Variants in ZNF536 observed in about 807,000 individuals in gnomAD.
ZNF536 encodes zinc finger protein 536.
In ZNF536, 13 loss-of-function variants were observed where a neutral mutation model predicts 84.5. The ratio of observed to expected loss-of-function variants is 0.15; its 90% CI spans 0.10 to 0.24. The LOEUF (loss-of-function observed/expected upper bound fraction) is 0.24, where lower values mean the gene tolerates loss of function less well. Ranked by LOEUF, ZNF536 falls within the 10% of genes least tolerant of loss-of-function variation. The pLI, the probability that ZNF536 is intolerant of heterozygous loss-of-function variation, is 1.00. For synonymous variants in ZNF536, 811 were observed against 742.5 expected, an observed-to-expected ratio of 1.09 and a Z score of -1.50; for missense variants, 1,536 against 1,747.5, an observed-to-expected ratio of 0.88 and a Z score of 2.16.
upstream of ZNF536, among the ~76,000 whole-genome samples, chr19:30,370,433 T>C (rs995965764): frequency 2.0e-5 from 3 of 152,202 alleles, no homozygotes; most frequent in African/African-American, 7.2e-5. Flanking sequence ...CATTTTGAAC[T>C]TGAGCCAACA....
intron 1 of ZNF536, among the ~76,000 whole-genome samples, chr19:30,600,322 G>A (rs1005744537): frequency 1.3e-5 from 2 of 152,076 alleles, no homozygotes; most frequent in Non-Finnish European, 2.9e-5. Context: ...TGGAACTTCT[G>A]ACCTCAAGCA....
intron 3 of ZNF536, among the ~76,000 whole-genome samples, chr19:30,359,570 T>TC (rs146474157): frequency 0.011 from 1,741 of 152,222 alleles, 31 homozygotes; most frequent in African/African-American, 0.04. Flanking sequence ...GGCATCTGGT[T>TC]CCACCTTCCT....
chr19:30,337,481 G>T (rs2047419218), intron 2 of ZNF536, among the ~76,000 whole-genome samples: 1 of 151,994 alleles, frequency 6.6e-6, no homozygotes, highest in Non-Finnish European at 1.5e-5. Context: ...GAACACATGG[G>T]TTGGCAACAA....
At chr19:30,395,787 T>A (rs527859081) in intron 1 of ZNF536, among the ~76,000 whole-genome samples, 63 of 152,342 alleles carry the variant, frequency 4.1e-4, no homozygotes, top group African/African-American at 1.4e-3. Context: ...ATAAGACTTA[T>A]GATAACTAGG....
rs530688291 is a variant in ZNF536 at position 30,544,160 on chromosome 19, A to G, written c.2324-3783A>G. 6.6e-5 allele frequency among the ~76,000 whole-genome samples: 10 copies of G among 152,326 alleles called. No individual in the cohort carries two copies. In the South Asian group the frequency reaches 1.9e-3, roughly 28 times the overall value. ...GCCCACCTGGAGCACTTAACTGAGG[A>G]ACTGGGATGATCGGAAGAAACCACC... On this transcript the variant is annotated intron_variant, in intron 3 of 4. Transcript: ENST00000355537.
chr19:30,651,207 C>T (rs2049690466), intron 1 of ZNF536, among the ~76,000 whole-genome samples: 1 of 152,178 alleles, frequency 6.6e-6, no homozygotes, highest in African/African-American at 2.4e-5. Context: ...CCACAGGTAC[C>T]GGAAGCGGGG....
At chr19:30,681,157 T>C (rs1180547970) in intron 1 of ZNF536, among the ~76,000 whole-genome samples, 2 of 152,188 alleles carry the variant, frequency 1.3e-5, no homozygotes, top group Non-Finnish European at 2.9e-5. Context: ...TGAATGGCTC[T>C]GTATCCTCCA....
intron 1 of ZNF536, among the ~76,000 whole-genome samples, chr19:30,243,220 A>G (rs1463669053): frequency 6.6e-6 from 1 of 152,028 alleles, no homozygotes; most frequent in Non-Finnish European, 1.5e-5. Flanking sequence ...TTTTTTTCTA[A>G]TTTTATCTGT....
intron 1 of ZNF536, among the ~76,000 whole-genome samples, chr19:30,255,436 A>T (rs2024859821): frequency 7.5e-6 from 1 of 132,762 alleles, no homozygotes; most frequent in African/African-American, 3.2e-5. Context: ...ATGAGACTAA[A>T]GAACACGGGT....
At chr19:30,684,946 G>A (rs968307330) in intron 1 of ZNF536, among the ~76,000 whole-genome samples, 13 of 152,150 alleles carry the variant, frequency 8.5e-5, no homozygotes, top group African/African-American at 1.9e-4. Flanking sequence ...TTTTCAGTGC[G>A]TCTTCCAGGG....
At position 30,491,129 on chromosome 19, in the gene ZNF536, AAAAC is replaced by A. The variant is rs202071711; in HGVS notation, c.2171-43713_2171-43710del. Among the ~76,000 whole-genome samples the A allele has an allele frequency of 8.0e-3, 1,211 of 152,310 alleles. 6 individuals are homozygous for A. The highest frequency in any genetic ancestry group is 0.013 in the Non-Finnish European group (864 of 68,026). On this transcript the variant is annotated intron_variant, in intron 2 of 4. Coordinates refer to ENST00000355537, the MANE Select transcript of ZNF536 (RefSeq NM_014717.3). The stretch of plus-strand genomic sequence containing the variant: ...AGAGACAATGTTGCCTATCTTCATG[AAAAC>A]AAACGGCAAGTCCTATCCTGACTCA...
intron 1 of ZNF536, among the ~76,000 whole-genome samples, chr19:30,569,020 C>A (rs2146523902): frequency 6.6e-6 from 1 of 152,210 alleles, no homozygotes. Flanking sequence ...GAGCTGGTAG[C>A]TGCATAAGGA....
intron 1 of ZNF536, among the ~76,000 whole-genome samples, chr19:30,424,681 C>T (rs371308900): frequency 1.6e-4 from 24 of 152,282 alleles, no homozygotes; most frequent in Admixed American, 3.3e-4. Flanking sequence ...TAAATCCACA[C>T]GGCCTTCTTT....
intron 1 of ZNF536, among the ~76,000 whole-genome samples, chr19:30,380,968 C>G (rs955413273): frequency 6.6e-6 from 1 of 152,216 alleles, no homozygotes; most frequent in Non-Finnish European, 1.5e-5. Context: ...CCTCCAACTC[C>G]TGGGCTCAGG....
At chr19:30,435,021 ATGGTGATGATGATGGTGCTGG>A (rs1037278681) in intron 1 of ZNF536, among the ~76,000 whole-genome samples, 2 of 149,602 alleles carry the variant, frequency 1.3e-5, no homozygotes, top group Admixed American at 6.6e-5. Context: ...GATGCTGGTG[ATGGTGATGATGATGGTGCTGG>A]TGGTGATGAT....
chr19:30,285,986 C>T (rs79260482), intron 2 of ZNF536, among the ~76,000 whole-genome samples: 1,923 of 152,246 alleles, frequency 0.013, 37 homozygotes, highest in African/African-American at 0.043. Context: ...GGTGCTTTTT[C>T]GGAAGTCTTT....
chr19:30,609,926 C>G (rs1453717144), intron 1 of ZNF536, among the ~76,000 whole-genome samples: 3 of 151,388 alleles, frequency 2.0e-5, no homozygotes, highest in Admixed American at 6.6e-5. Flanking sequence ...ATCCATCCAT[C>G]CATCCATCCA....
chr19:30,464,057 A>T (rs1427047393), intron 2 of ZNF536, among the ~76,000 whole-genome samples: 1 of 152,188 alleles, frequency 6.6e-6, no homozygotes, highest in African/African-American at 2.4e-5. Flanking sequence ...TAGCTGCCTC[A>T]TTCACTTGTG....
intron 1 of ZNF536, among the ~76,000 whole-genome samples, chr19:30,638,424 C>T (rs776297042): frequency 1.3e-5 from 2 of 152,152 alleles, no homozygotes; most frequent in Non-Finnish European, 2.9e-5. Context: ...AGGAAACTTA[C>T]AGTCATGGTG....
Sources: allele counts gnomAD v4.1 joint callset (sites outside exome capture counted in the v4.1 genomes callset), GRCh38; gene constraint gnomAD v4.1.1; transcripts MANE v1.5; gene names NCBI Gene and HGNC (gene_info 2026-07-23, HGNC 2026-07-21).